TTC23: variants seen among roughly 807,000 people sequenced by gnomAD.
TTC23 encodes the protein tetratricopeptide repeat domain 23, also known as tetratricopeptide repeat protein 23.
TTC23 carries 58 observed loss-of-function variants against 55.1 expected under a neutral mutation model. The observed-to-expected ratio is 1.05, with a 90% CI of 0.85 to 1.31. TTC23 has a LOEUF of 1.31. TTC23 is among the 50% of genes most tolerant of loss of function. TTC23 has a pLI of 0.00. For synonymous variants in TTC23, 203 were observed against 199.9 expected, an observed-to-expected ratio of 1.02 and a Z score of -0.13; for missense variants, 516 against 534.4, an observed-to-expected ratio of 0.97 and a Z score of 0.34.
In TTC23 at chr15:99,246,398, G is replaced by A. The variant is rs188620859; in HGVS notation, c.-430-888C>T. 3.0e-3 allele frequency among the ~76,000 whole-genome samples: 449 copies of A among 152,184 alleles called. 2 individuals are homozygous for A. The highest frequency in any genetic ancestry group is 4.3e-3 in the Admixed American group (66 of 15,294). On this transcript the variant is annotated intron_variant, in intron 1 of 13. Coordinates refer to ENST00000394132, the MANE Select transcript of TTC23 (RefSeq NM_001288615.3). The stretch of plus-strand genomic sequence containing the variant: ...TGGGAGGCCGAGGTGGGCAAATCAC[G>A]AGGTCAAGAGTTCAAGACCAGCCTG...
chr15:99,168,114 T>C (rs1271443075), intron 10 of TTC23, among the ~76,000 whole-genome samples: 1 of 152,158 alleles, frequency 6.6e-6, no homozygotes, highest in Non-Finnish European at 1.5e-5. Flanking sequence ...ACCCTCTTCA[T>C]GAGGAACACT....
rs114258878 is a variant in TTC23, at chr15:99,180,356, A to C, written c.760-5201T>G. 4.7e-3 allele frequency among the ~76,000 whole-genome samples: 709 copies of C among 152,208 alleles called. 3 individuals are homozygous for C. Among genetic ancestry groups the C allele is most frequent in the African/African-American group, 0.016 (670 of 41,526 alleles). ...CAAGGTCATTAATTAAAAAAAAAAA[A>C]AACAAAACTCATCCACAAGACCAAG... On this transcript the variant is annotated intron_variant, in intron 9 of 13. Coordinates refer to ENST00000394132, the MANE Select transcript of TTC23 (RefSeq NM_001288615.3).
chr15:99,173,571 G>A (rs533972504), intron 10 of TTC23, among the ~76,000 whole-genome samples: 2 of 152,204 alleles, frequency 1.3e-5, no homozygotes, highest in African/African-American at 4.8e-5. Flanking sequence ...GGGTGACAGA[G>A]TGAGACCCTG....
chr15:99,246,190 A>G (rs1462652583), intron 1 of TTC23, among the ~76,000 whole-genome samples: 2 of 152,278 alleles, frequency 1.3e-5, no homozygotes, highest in Non-Finnish European at 2.9e-5. Flanking sequence ...ATTTCATCAA[A>G]TCCAAATCTT....
intron 9 of TTC23, among the ~76,000 whole-genome samples, chr15:99,199,350 G>A (rs981699846): frequency 1.1e-4 from 16 of 145,246 alleles, no homozygotes; most frequent in Admixed American, 2.8e-4. Flanking sequence ...GGAGGATCAC[G>A]TGAACCCAGG....
chr15:99,250,624 T>C (rs1014073586), upstream of TTC23, among the ~76,000 whole-genome samples: 3 of 152,242 alleles, frequency 2.0e-5, no homozygotes, highest in Non-Finnish European at 4.4e-5. Flanking sequence ...CAAGTATTTT[T>C]AACAGCATAA....
intron 8 of TTC23, among the ~76,000 whole-genome samples, chr15:99,213,179 T>A (rs1310701329): frequency 6.6e-6 from 1 of 152,234 alleles, no homozygotes; most frequent in African/African-American, 2.4e-5. Context: ...TACATTTCAA[T>A]AAGGAAATGA....
intron 9 of TTC23, among the ~76,000 whole-genome samples, chr15:99,183,425 G>A (rs560820816): frequency 5.3e-5 from 8 of 150,804 alleles, no homozygotes; most frequent in South Asian, 2.1e-4. Flanking sequence ...GGGTTCAAGC[G>A]ATTCTCCTGC....
chr15:99,151,195 C>T (rs946597529), intron 12 of TTC23: 2 of 152,234 alleles, frequency 1.3e-5, no homozygotes, highest in Non-Finnish European at 2.9e-5. Flanking sequence ...TGCTGGCAAC[C>T]CTGTCCCAGG....
chr15:99,185,976 G>T (rs1400401213), intron 9 of TTC23, among the ~76,000 whole-genome samples: 3 of 152,112 alleles, frequency 2.0e-5, no homozygotes, highest in African/African-American at 7.2e-5. Context: ...AGGAATGAAG[G>T]GTGAAAAACA....
At chr15:99,237,810 A>G (rs1297892088) in intron 3 of TTC23, among the ~76,000 whole-genome samples, 1 of 152,176 alleles carries the variant, frequency 6.6e-6, no homozygotes, top group Non-Finnish European at 1.5e-5. Flanking sequence ...AGCAAATTGT[A>G]TACTTTTATG....
chr15:99,185,191 G>A (rs1231706771), intron 9 of TTC23, among the ~76,000 whole-genome samples: 2 of 152,044 alleles, frequency 1.3e-5, no homozygotes, highest in Admixed American at 6.6e-5. Context: ...CTAAACAAAA[G>A]GCTAGTATTA....
chr15:99,245,237 C>T (rs1396400233), intron 2 of TTC23, among the ~76,000 whole-genome samples, 152 bp downstream of exon 2: 1 of 152,102 alleles, frequency 6.6e-6, no homozygotes, highest in Admixed American at 6.5e-5. Flanking sequence ...AGAGGCCGGG[C>T]GTGGTGGCTC....
At chr15:99,191,935 G>A (rs1428798888) in intron 9 of TTC23, among the ~76,000 whole-genome samples, 1 of 152,202 alleles carries the variant, frequency 6.6e-6, no homozygotes, top group Non-Finnish European at 1.5e-5. Context: ...CCAGGCTGAG[G>A]TGGTCTCAGA....
chr15:99,232,050 C>T (rs1596968099), intron 4 of TTC23, among the ~76,000 whole-genome samples: 1 of 151,732 alleles, frequency 6.6e-6, no homozygotes, highest in Non-Finnish European at 1.5e-5. Flanking sequence ...CCTTGGCCGC[C>T]CAAAGTGCTG....
chr15:99,163,081 C>G (rs2071590291), intron 10 of TTC23, among the ~76,000 whole-genome samples: 1 of 119,640 alleles, frequency 8.4e-6, no homozygotes, highest in South Asian at 2.7e-4. Context: ...AAGACCCTGT[C>G]TCAAAAAACA....
intron 4 of TTC23, among the ~76,000 whole-genome samples, chr15:99,232,763 AT>A: frequency 6.6e-6 from 1 of 152,220 alleles, no homozygotes; most frequent in Non-Finnish European, 1.5e-5. Context: ...GAACTACCAT[AT>A]GATCCATGAA....
chr15:99,195,983 G>A (rs1223344337), intron 9 of TTC23, among the ~76,000 whole-genome samples: 1 of 151,664 alleles, frequency 6.6e-6, no homozygotes, highest in Non-Finnish European at 1.5e-5. Flanking sequence ...GTGAAACCCT[G>A]TCTCTACTAA....
At chr15:99,141,617 G>A (rs1386519194) in intron 12 of TTC23, among the ~76,000 whole-genome samples, 1 of 152,182 alleles carries the variant, frequency 6.6e-6, no homozygotes, top group Non-Finnish European at 1.5e-5. Context: ...AAAAAAAAGT[G>A]TGAGGGTTTG....
Sources: gnomAD v4.1 joint callset for allele counts (sites outside exome capture counted in the v4.1 genomes callset) on GRCh38, gnomAD v4.1.1 for gene constraint, MANE v1.5 for transcripts, NCBI Gene and HGNC (gene_info 2026-07-23, HGNC 2026-07-21) for gene names.